UBE4B: variants seen among roughly 807,000 people sequenced by gnomAD.
UBE4B encodes ubiquitination factor E4B.
UBE4B carries 27 observed loss-of-function variants against 148.1 expected under a neutral mutation model. The ratio of observed to expected loss-of-function variants is 0.18; its 90% confidence interval spans 0.13 to 0.25. The LOEUF is 0.25. Among genes scored for constraint, UBE4B ranks in the 10% least tolerant of loss-of-function variants. UBE4B has a pLI of 1.00. For missense variants in UBE4B, 1,170 were observed against 1,662.4 expected, an observed-to-expected ratio of 0.70 and a Z score of 5.15; for synonymous variants, 596 against 619.3, an observed-to-expected ratio of 0.96 and a Z score of 0.56.
chr1:10,110,999 CTT>C (rs150451854), intron 7 of UBE4B, among the ~76,000 whole-genome samples: 1,638 of 150,536 alleles, frequency 0.011, 28 homozygotes, highest in African/African-American at 0.038. Flanking sequence ...CTGTCCCTCT[CTT>C]CTCTCTGTCT....
At chr1:10,068,857 C>G (rs1481645726) in intron 1 of UBE4B, among the ~76,000 whole-genome samples, 2 of 152,198 alleles carry the variant, frequency 1.3e-5, no homozygotes, top group African/African-American at 4.8e-5. Flanking sequence ...TACTGAGAGC[C>G]CTGCTGTGGG....
chr1:10,053,857 T>C (rs1175205170), intron 1 of UBE4B, among the ~76,000 whole-genome samples: 3 of 152,146 alleles, frequency 2.0e-5, no homozygotes, highest in Non-Finnish European at 2.9e-5. Flanking sequence ...CCTGGCTAAT[T>C]CTTTTATTAT....
chr1:10,155,959 G>A (rs936370891), intron 21 of UBE4B, among the ~76,000 whole-genome samples: 3 of 151,938 alleles, frequency 2.0e-5, no homozygotes, highest in African/African-American at 7.3e-5. Flanking sequence ...GGACCTGGGA[G>A]GTGGAGGTCG....
At chr1:10,034,460 TAATA>T (rs1326740604) in intron 1 of UBE4B, among the ~76,000 whole-genome samples, 1 of 150,574 alleles carries the variant, frequency 6.6e-6, no homozygotes, top group African/African-American at 2.5e-5. Context: ...AAAGATTGTT[TAATA>T]AATTAGGTTG....
chr1:10,078,896 G>C, intron 2 of UBE4B, among the ~76,000 whole-genome samples: 1 of 152,044 alleles, frequency 6.6e-6, no homozygotes, highest in Non-Finnish European at 1.5e-5. Context: ...AGCTCATTGC[G>C]GCCACAAACT....
chr1:10,112,809 C>A (rs765688545), intron 7 of UBE4B, among the ~76,000 whole-genome samples: 1 of 152,144 alleles, frequency 6.6e-6, no homozygotes, highest in Non-Finnish European at 1.5e-5. Flanking sequence ...TGACACTTAA[C>A]GCTTGTATTA....
At chr1:10,140,653 C>T (rs531767287) in intron 17 of UBE4B, among the ~76,000 whole-genome samples, 2 of 152,186 alleles carry the variant, frequency 1.3e-5, no homozygotes, top group Non-Finnish European at 2.9e-5. Flanking sequence ...CATCTAGAAC[C>T]TTTGCTCCTG....
chr1:10,042,671 A>T (rs1410020973), intron 1 of UBE4B, among the ~76,000 whole-genome samples: 2 of 152,074 alleles, frequency 1.3e-5, no homozygotes, highest in Non-Finnish European at 2.9e-5. Context: ...AAACAAACAA[A>T]CATGTTCACA....
intron 2 of UBE4B, among the ~76,000 whole-genome samples, chr1:10,094,686 G>A (rs1005517634): frequency 4.0e-5 from 6 of 151,768 alleles, no homozygotes; most frequent in African/African-American, 7.3e-5. Context: ...CACCCGCCTC[G>A]ACCTCCCAAA....
At chr1:10,144,005 TG>T (rs1645825367) in intron 17 of UBE4B, among the ~76,000 whole-genome samples, 1 of 152,192 alleles carries the variant, frequency 6.6e-6, no homozygotes, top group African/African-American at 2.4e-5. Flanking sequence ...GTCTAGGAAA[TG>T]TAGCTTTTGG....
At chr1:10,097,049 AAAAAAT>A (rs1253317507) in intron 3 of UBE4B, among the ~76,000 whole-genome samples, 36 of 146,114 alleles carry the variant, frequency 2.5e-4, no homozygotes, top group East Asian at 1.7e-3. Flanking sequence ...AAAAAAAAAA[AAAAAAT>A]AATAATAATA....
At position 10,168,158 on chromosome 1, in the gene UBE4B, C is replaced by T. The variant is rs767921206; in HGVS notation, c.3221C>T (p.Ser1074Phe). Residue 1074 changes from serine to phenylalanine, a missense_variant, in exon 24 of 28, where the codon TCT (serine) becomes TTT (phenylalanine). By Grantham distance (155) the Ser-to-Phe change is radical. Transcript: ENST00000343090. The surrounding 1 kb of genome is among the most constrained non-coding windows in gnomAD (Gnocchi z 4.9). Reference protein sequence around the residue: ...LPRDQQQARQSQLAQDERVSR... With the variant: ...LPRDQQQARQFQLAQDERVSR... ...TAGGATCAGCAGCAGGCTCGTCAGT[C>T]TCAGCTTGCTCAGGATGAGCGTGTG... 2.5e-6 allele frequency: 4 copies of T among 1,614,144 alleles called. No homozygotes were observed. Among genetic ancestry groups the T allele is most frequent in the South Asian group, 1.1e-5 (1 of 91,088 alleles).
At chr1:10,128,440 AGTGGATCCTGCT>A (rs1645537991) in intron 11 of UBE4B, 1 of 152,268 alleles carries the variant, frequency 6.6e-6, no homozygotes, top group African/African-American at 2.4e-5. Context: ...TCTCTAGGTC[AGTGGATCCTGCT>A]GTGCCATACG....
Position 10,171,207 on chromosome 1 carries a change from G to A in UBE4B, c.3403G>A (p.Asp1135Asn), listed in dbSNP as rs1400832784. 3 of 1,614,078 alleles carry A rather than the reference G, an allele frequency of 1.9e-6. No individual in the cohort carries two copies. Among genetic ancestry groups the A allele is most frequent in the Non-Finnish European group, 2.5e-6 (3 of 1,180,040 alleles). ...LQQLCGPKCR[D>N]LKVENPEKYG... ...GCAACTTTGTGGCCCCAAGTGCCGT[G>A]ACCTGAAAGTTGAAAACCCTGAGAA... Residue 1135 changes from aspartate (D) to asparagine (N), a missense_variant, in exon 25 of 28, where the codon GAC (aspartate) becomes AAC (asparagine). By Grantham distance (23) the Asp-to-Asn change is conservative. Coordinates refer to ENST00000343090, the MANE Select transcript of UBE4B (RefSeq NM_001105562.3).
intron 10 of UBE4B, 23 bp from the exon 11 acceptor site, chr1:10,126,771 T>G: frequency 6.3e-7 from 1 of 1,589,364 alleles, no homozygotes; most frequent in Non-Finnish European, 8.6e-7. Context: ...CTTATATTTC[T>G]GATTTTGTTT....
At chr1:10,167,328 A>T (rs919783819) in intron 23 of UBE4B, among the ~76,000 whole-genome samples, 4 of 150,788 alleles carry the variant, frequency 2.7e-5, no homozygotes, top group African/African-American at 9.8e-5. Flanking sequence ...AGTCCCAGCT[A>T]CTCGGGATGC....
rs1175892771 is a variant in UBE4B, at chr1:10,180,256, T to C, written c.*300T>C. Reference sequence around the variant, plus strand: ...CACAGTTTGGGGCAACGGAAGTCTTTTAGTGATGGCTAATGGGTCTGGGCA... The same window carrying C: ...CACAGTTTGGGGCAACGGAAGTCTTCTAGTGATGGCTAATGGGTCTGGGCA... On this transcript the variant is annotated 3_prime_UTR_variant, in exon 28 of 28. Coordinates refer to ENST00000343090, the MANE Select transcript of UBE4B (RefSeq NM_001105562.3). 2.3e-6 allele frequency: 1 copy of C among 426,912 alleles called. No homozygotes were observed. Among genetic ancestry groups the C allele is most frequent in the African/African-American group, 2.0e-5 (1 of 49,650 alleles). 26.4% of individuals were successfully genotyped at this position (426,912 alleles called of 1,614,324 possible). A position where few individuals can be genotyped will look rare whatever the true frequency, so the allele number is the denominator to read the frequency against.
At position 10,129,461 on chromosome 1, in the gene UBE4B, C is replaced by A. The variant is rs1419254285; in HGVS notation, c.1695+13C>A. The stretch of plus-strand genomic sequence containing the variant: ...TGTGTGCAATTTGGTAAGCACTCAC[C>A]TGATGGGCTTGCACATTTTCAGTGA... On this transcript the variant is annotated intron_variant, in intron 12 of 27. Coordinates refer to ENST00000343090, the MANE Select transcript of UBE4B (RefSeq NM_001105562.3). 1 of 1,607,624 alleles carries A rather than the reference C, an allele frequency of 6.2e-7. No homozygotes were observed. The highest frequency in any genetic ancestry group is 1.7e-5 in the Admixed American group (1 of 59,964).
chr1:10,096,441 G>A (rs2101876200), intron 3 of UBE4B, among the ~76,000 whole-genome samples: 1 of 152,184 alleles, frequency 6.6e-6, no homozygotes, highest in Non-Finnish European at 1.5e-5. Flanking sequence ...AGATGAAGAG[G>A]GGAATTAAGT....
Sources: allele counts gnomAD v4.1 joint callset (sites outside exome capture counted in the v4.1 genomes callset), GRCh38; gene constraint gnomAD v4.1.1; non-coding constraint Gnocchi (gnomAD v3.1); transcripts MANE v1.5; gene names NCBI Gene and HGNC (gene_info 2026-07-23, HGNC 2026-07-21).